CIMIP2C: variants seen among roughly 807,000 people sequenced by gnomAD.
The protein encoded by CIMIP2C is UPF0573 protein C2orf70.
At chr2:26,569,013 T>A in the CIMIP2C span, among the ~76,000 whole-genome samples, 2 of 16,992 alleles carry the variant, frequency 1.2e-4, no homozygotes, top group East Asian at 8.1e-3. Context: ...TGAGACTCAG[T>A]CTCAAAAAAA....
the CIMIP2C span, among the ~76,000 whole-genome samples, chr2:26,568,088 G>A: frequency 8.1e-4 from 123 of 152,284 alleles, no homozygotes; most frequent in African/African-American, 2.8e-3. Context: ...CACTACTTTC[G>A]TTGTTCGGTT....
At chr2:26,571,076 TGTGTGGATCCATTGCCAGGC>T in the CIMIP2C span, among the ~76,000 whole-genome samples, 1 of 152,050 alleles carries the variant, frequency 6.6e-6, no homozygotes, top group Admixed American at 6.6e-5. Context: ...GGCCCAGCCT[TGTGTGGATCCATTGCCAGGC>T]ATGTGGATCC....
chr2:26,579,358 T>C, the CIMIP2C span: 1 of 1,613,964 alleles, frequency 6.2e-7, no homozygotes, highest in Non-Finnish European at 8.5e-7. Flanking sequence ...CCTGAAGACC[T>C]ACCAGACCTT....
the CIMIP2C span, among the ~76,000 whole-genome samples, chr2:26,565,091 T>G: frequency 7.3e-6 from 1 of 136,856 alleles, no homozygotes. Flanking sequence ...CCCCTTCCCC[T>G]ACCCCTTCTT....
the CIMIP2C span, among the ~76,000 whole-genome samples, chr2:26,569,020 A>C: frequency 6.7e-6 from 1 of 148,792 alleles, no homozygotes; most frequent in African/African-American, 2.4e-5. Context: ...CAGTCTCAAA[A>C]AAAAAAAAAA....
chr2:26,569,075 T>G, the CIMIP2C span, among the ~76,000 whole-genome samples: 1 of 143,954 alleles, frequency 6.9e-6, no homozygotes, highest in African/African-American at 2.6e-5. Flanking sequence ...ATAGGAGAGG[T>G]GCAAAGGGCA....
chr2:26,570,016 C>T, the CIMIP2C span, among the ~76,000 whole-genome samples: 1 of 152,206 alleles, frequency 6.6e-6, no homozygotes, highest in South Asian at 2.1e-4. Context: ...GATGCGCCCA[C>T]TGAGTGCTAA....
At chr2:26,570,173 C>T in the CIMIP2C span, among the ~76,000 whole-genome samples, 1 of 152,178 alleles carries the variant, frequency 6.6e-6, no homozygotes, top group Non-Finnish European at 1.5e-5. Context: ...TCGTGGCATT[C>T]AGAGAAGGTG....
chr2:26,567,240 G>A, the CIMIP2C span, among the ~76,000 whole-genome samples: 1 of 152,164 alleles, frequency 6.6e-6, no homozygotes, highest in Non-Finnish European at 1.5e-5. Flanking sequence ...GGGACCAGGT[G>A]GAGATAATTG....
the CIMIP2C span, among the ~76,000 whole-genome samples, chr2:26,576,552 A>T: frequency 6.6e-6 from 1 of 152,116 alleles, no homozygotes; most frequent in Non-Finnish European, 1.5e-5. Context: ...AAGGTCTAAG[A>T]TCCACCCACC....
chr2:26,565,474 C>T, the CIMIP2C span, among the ~76,000 whole-genome samples: 2 of 152,170 alleles, frequency 1.3e-5, no homozygotes, highest in African/African-American at 2.4e-5. Context: ...TGCCGAGCCT[C>T]GGCTTTGTGA....
the CIMIP2C span, among the ~76,000 whole-genome samples, chr2:26,563,435 A>G: frequency 6.6e-6 from 1 of 152,066 alleles, no homozygotes; most frequent in Admixed American, 6.5e-5. Flanking sequence ...TCTTTCTCCT[A>G]CAGTGTCTGA....
the CIMIP2C span, among the ~76,000 whole-genome samples, chr2:26,573,922 C>T: frequency 6.6e-6 from 1 of 152,384 alleles, no homozygotes; most frequent in South Asian, 2.1e-4. Context: ...CAGGGCAGGA[C>T]TCACTTTGTG....
the CIMIP2C span, among the ~76,000 whole-genome samples, chr2:26,575,317 G>C: frequency 6.6e-6 from 1 of 152,212 alleles, no homozygotes; most frequent in Non-Finnish European, 1.5e-5. Context: ...GCTGTTCACT[G>C]ACCGGGCCCC....
At chr2:26,576,075 T>G in the CIMIP2C span, 1 of 1,614,186 alleles carries the variant, frequency 6.2e-7, no homozygotes, top group East Asian at 2.2e-5. Context: ...CTCCTGCTGA[T>G]GGAGCGCGCC....
the CIMIP2C span, among the ~76,000 whole-genome samples, chr2:26,576,921 ACT>A: frequency 1.3e-5 from 2 of 151,828 alleles, no homozygotes; most frequent in African/African-American, 4.8e-5. Flanking sequence ...CCAAAACCTT[ACT>A]CTCTCCATCA....
chr2:26,574,121 G>A, the CIMIP2C span, among the ~76,000 whole-genome samples: 11 of 152,256 alleles, frequency 7.2e-5, no homozygotes, highest in Non-Finnish European at 1.6e-4. Context: ...GTAGGGGACG[G>A]AGTTACATCT....
the CIMIP2C span, among the ~76,000 whole-genome samples, chr2:26,565,712 G>T: frequency 8.1e-4 from 124 of 152,206 alleles, no homozygotes; most frequent in African/African-American, 2.9e-3. Flanking sequence ...CGGTGTGCAG[G>T]TTAAAGAGGT....
At chr2:26,577,459 C>A in the CIMIP2C span, 4 of 1,457,180 alleles carry the variant, frequency 2.7e-6, no homozygotes, top group African/African-American at 4.2e-5. Flanking sequence ...ACTGCAGGTG[C>A]CTGTGGTCAG....
Sources: gnomAD v4.1 joint callset for allele counts (sites outside exome capture counted in the v4.1 genomes callset) on GRCh38, gnomAD v4.1.1 for gene constraint, MANE v1.5 for transcripts, NCBI Gene and HGNC (gene_info 2026-07-23, HGNC 2026-07-21) for gene names.